The following ADRA2A variants were observed in gnomAD, a reference collection of about 807,000 sequenced individuals.
ADRA2A encodes the protein alpha-2A adrenergic receptor.
ADRA2A carries 6 observed loss-of-function variants against 5.9 expected under a neutral mutation model. The observed-to-expected ratio is 1.01, with a 90% CI of 0.55 to 2.00. The LOEUF is 2.00. Ranked by LOEUF, ADRA2A falls within the 30% of genes most tolerant of loss-of-function variation. ADRA2A has a pLI of 0.00. For synonymous variants in ADRA2A, 345 were observed against 325.9 expected (o/e 1.06, Z -0.63); for missense variants, 647 against 690.0 (o/e 0.94, Z 0.70).
chr10:111,077,924 G>T lies in ADRA2A; in HGVS notation c.-73G>T. 1 of 1,325,596 alleles carries T rather than the reference G, an allele frequency of 7.5e-7. No homozygotes were observed. The highest frequency in any genetic ancestry group is 2.8e-4 in the Middle Eastern group (1 of 3,570). The allele number at this position is 1,325,596 out of a possible 1,614,324, so 82.1% of individuals were successfully genotyped here. ...CAGCCAGGCGAGCGGGGCGCCGGAG[G>T]AAGAGGAGGACCCACGGGCGCCGGG... is the stretch of plus-strand genomic sequence containing the variant. On this transcript the variant is annotated 5_prime_UTR_variant, in exon 1 of 1. Coordinates refer to ENST00000280155, the MANE Select transcript of ADRA2A (RefSeq NM_000681.4).
chr10:111,079,492 C>T lies in ADRA2A; in HGVS notation c.*98C>T, dbSNP rs1564746039. The stretch of plus-strand genomic sequence containing the variant: ...AGGGCACTCAGAAACCCGGGCGCTG[C>T]CTGCTCTGCGTTTCCTCGTCTGGGG... On this transcript the variant is annotated 3_prime_UTR_variant, in exon 1 of 1. Transcript: ENST00000280155. 2 of 1,360,426 alleles carry T rather than the reference C, an allele frequency of 1.5e-6. No homozygotes were observed. Among genetic ancestry groups the T allele is most frequent in the East Asian group, 2.3e-5 (1 of 43,142 alleles). The allele number at this position is 1,360,426 out of a possible 1,614,324, so 84.3% of individuals were successfully genotyped here. A position where few individuals can be genotyped will look rare whatever the true frequency, so the allele number is the denominator to read the frequency against.
In ADRA2A at chr10:111,078,875, C is replaced by G. The variant is rs924536604; in HGVS notation, c.879C>G (p.Gly293=). 2.1e-5 allele frequency: 25 copies of G among 1,201,656 alleles called. No individual in the cohort carries two copies. Among genetic ancestry groups the G allele is most frequent in the Non-Finnish European group, 2.6e-5 (25 of 970,712 alleles). The allele number at this position is 1,201,656 out of a possible 1,614,324, so 74.4% of individuals were successfully genotyped here. ...PLPTQLNGAP[G]EPAPAGPRDT... The stretch of plus-strand genomic sequence containing the variant: ...CCACCCAGCTCAACGGCGCCCCTGG[C>G]GAGCCCGCGCCGGCCGGGCCGCGCG... Residue 293 remains glycine, a synonymous_variant, in exon 1 of 1, where the codon GGC becomes GGG. Coordinates refer to ENST00000280155, the MANE Select transcript of ADRA2A (RefSeq NM_000681.4).
At position 111,078,782 on chromosome 10, in the gene ADRA2A, G is replaced by T; in HGVS notation, c.786G>T (p.Glu262Asp). The T allele has an allele frequency of 7.1e-7, 1 of 1,409,690 alleles. No homozygotes were observed. The highest frequency in any genetic ancestry group is 2.8e-5 in the East Asian group (1 of 35,150). The allele number at this position is 1,409,690 out of a possible 1,614,324, so 87.3% of individuals were successfully genotyped here. The change falls in exon 1 of 1, where the codon GAG becomes GAT. Residue 262 changes from glutamate to aspartate, a missense_variant. Physicochemically the swap from Glu to Asp is conservative, Grantham distance 45. This residue lies in a region of ADRA2A where 577 missense variants were observed against 605.4 expected (regional missense o/e 0.95). Coordinates refer to ENST00000280155, the MANE Select transcript of ADRA2A (RefSeq NM_000681.4). ...DAVAAPPGGT[E>D]RRPNGLGPER... is the part of the protein sequence containing the mutation. ...TCGCCGCGCCGCCGGGGGGCACCGA[G>T]CGCAGGCCCAACGGTCTGGGCCCCG...
chr10:111,078,120 C>T lies in ADRA2A; in HGVS notation c.124C>T (p.Pro42Ser), dbSNP rs1241405492. The change falls in exon 1 of 1, where the codon CCT becomes TCT. Residue 42 changes from proline (P) to serine (S), a missense_variant. By Grantham distance (74) the Pro-to-Ser change is moderately conservative. Transcript: ENST00000280155. ...GCCGGGGGGCGGCGCCCGGGCCACC[C>T]CTTACTCCCTGCAGGTGACGCTGAC... ...EAPGGGARATPYSLQVTLTLV... is the reference protein window; with the variant it reads ...EAPGGGARATSYSLQVTLTLV... The T allele has an allele frequency of 1.9e-6, 3 of 1,591,726 alleles. No homozygotes were observed. Among genetic ancestry groups the T allele is most frequent in the Non-Finnish European group, 2.6e-6 (3 of 1,172,868 alleles).
chr10:111,078,640 C>A lies in ADRA2A; in HGVS notation c.644C>A (p.Ser215Ter), dbSNP rs1430017825. Residue 215 changes from serine to a stop codon, truncating the protein, a stop_gained, in exon 1 of 1, where the codon TCG (serine) becomes TAG (stop). Coordinates refer to ENST00000280155, the MANE Select transcript of ADRA2A (RefSeq NM_000681.4). LOFTEE classifies it low-confidence loss of function (END_TRUNC). Reference protein sequence around the residue: ...INDQKWYVISSCIGSFFAPCL... With the variant: ...INDQKWYVIS ...GACCAGAAGTGGTACGTCATCTCGT[C>A]GTGCATCGGCTCCTTCTTCGCTCCC... The A allele has an allele frequency of 1.9e-6, 3 of 1,587,994 alleles. No homozygotes were observed. Among genetic ancestry groups the A allele is most frequent in the East Asian group, 2.3e-5 (1 of 43,508 alleles).
Position 111,078,626 on chromosome 10 carries a change from G to C in ADRA2A, c.630G>C (p.Trp210Cys), listed in dbSNP as rs1843562793. The C allele has an allele frequency of 6.3e-7, 1 of 1,593,960 alleles. No individual in the cohort carries two copies. The highest frequency in any genetic ancestry group is 1.1e-5 in the South Asian group (1 of 88,992). Residue 210 changes from tryptophan (W) to cysteine (C), a missense_variant, in exon 1 of 1, where the codon TGG becomes TGC. Physicochemically the swap from Trp to Cys is radical, Grantham distance 215. Coordinates refer to ENST00000280155, the MANE Select transcript of ADRA2A (RefSeq NM_000681.4). ...GCTGCGAGATCAACGACCAGAAGTG[G>C]TACGTCATCTCGTCGTGCATCGGCT... is the stretch of plus-strand genomic sequence containing the variant. Reference protein sequence around the residue: ...EPRCEINDQKWYVISSCIGSF... With the variant: ...EPRCEINDQKCYVISSCIGSF...
At position 111,079,374 on chromosome 10, in the gene ADRA2A, G is replaced by A. The variant is rs950647547; in HGVS notation, c.1378G>A (p.Asp460Asn). ...RAFKKILCRG[D>N]RKRIV ...CTTCAAGAAGATCCTCTGTCGGGGG[G>A]ACAGGAAGCGGATCGTGTGAGGTTT... Residue 460 changes from aspartate to asparagine, a missense_variant, in exon 1 of 1, where the codon GAC (aspartate) becomes AAC (asparagine). By Grantham distance (23) the Asp-to-Asn change is conservative. This residue lies in a region of ADRA2A where 62 missense variants were observed against 59.8 expected (regional missense o/e 1.04). Transcript: ENST00000280155. 3 of 1,614,002 alleles carry A rather than the reference G, an allele frequency of 1.9e-6. No individual in the cohort carries two copies. Among genetic ancestry groups the A allele is most frequent in the Non-Finnish European group, 2.5e-6 (3 of 1,180,034 alleles).
Position 111,078,984 on chromosome 10 carries a change from C to A in ADRA2A, c.988C>A (p.Pro330Thr). ...AGGGCCCCGCAGACCCGAGCGCGGT[C>A]CCCGGGGCAAAGGCAAGGCCCGAGC... is the stretch of plus-strand genomic sequence containing the variant. ...PPGPRRPERG[P>T]RGKGKARASQ... The change falls in exon 1 of 1, where the codon CCC becomes ACC. Residue 330 changes from proline to threonine, a missense_variant. By Grantham distance (38) the Pro-to-Thr change is conservative (BLOSUM62 -1). This residue lies in a region of ADRA2A where 577 missense variants were observed against 605.4 expected (regional missense o/e 0.95). Coordinates refer to ENST00000280155, the MANE Select transcript of ADRA2A (RefSeq NM_000681.4). The A allele has an allele frequency of 8.1e-7, 1 of 1,235,122 alleles. No individual in the cohort carries two copies. The highest frequency in any genetic ancestry group is 3.5e-5 in the East Asian group (1 of 28,900). The allele number at this position is 1,235,122 out of a possible 1,614,324, so 76.5% of individuals were successfully genotyped here.
rs2134208619 is a variant in ADRA2A, at chr10:111,078,614, C to T, written c.618C>T (p.Asn206=). 6.3e-7 allele frequency: 1 copy of T among 1,597,824 alleles called. No individual in the cohort carries two copies. The highest frequency in any genetic ancestry group is 1.1e-5 in the South Asian group (1 of 89,404). ...CGGCCGAGCCGCGCTGCGAGATCAA[C>T]GACCAGAAGTGGTACGTCATCTCGT... ...PQPAEPRCEI[N]DQKWYVISSC... The change falls in exon 1 of 1, where the codon AAC becomes AAT. Residue 206 remains asparagine, a synonymous_variant. Transcript: ENST00000280155.
chr10:111,080,667 T>C lies in ADRA2A; in HGVS notation c.*1273T>C, dbSNP rs530423091. ...TTGTGTTTACATCTGCATTTCTACA[T>C]GTTTTAGACAGAGACAATTTAAGGC... On this transcript the variant is annotated 3_prime_UTR_variant, in exon 1 of 1. Transcript: ENST00000280155. 2.2e-4 allele frequency: 36 copies of C among 167,186 alleles called. No individual in the cohort carries two copies. Among genetic ancestry groups the C allele is most frequent in the African/African-American group, 8.7e-4 (36 of 41,576 alleles). 10.4% of individuals were successfully genotyped at this position (167,186 alleles called of 1,614,324 possible).
rs756745025 is a variant in ADRA2A, at chr10:111,078,165, C to T, written c.169C>T (p.Leu57=). Residue 57 remains leucine (L), a synonymous_variant, in exon 1 of 1, where the codon CTG becomes TTG. Coordinates refer to ENST00000280155, the MANE Select transcript of ADRA2A (RefSeq NM_000681.4). ...GCTGACGCTGGTGTGCCTGGCCGGC[C>T]TGCTCATGCTGCTCACCGTGTTCGG... ...VTLTLVCLAG[L]LMLLTVFGNV... is the part of the protein sequence containing the mutation. 6.2e-7 allele frequency: 1 copy of T among 1,610,596 alleles called. No homozygotes were observed. The highest frequency in any genetic ancestry group is 8.5e-7 in the Non-Finnish European group (1 of 1,179,260).
chr10:111,078,710 C>T lies in ADRA2A; in HGVS notation c.714C>T (p.Ala238=), dbSNP rs1454161539. 6 of 1,528,880 alleles carry T rather than the reference C, an allele frequency of 3.9e-6. No homozygotes were observed. The highest frequency in any genetic ancestry group is 5.3e-6 in the Non-Finnish European group (6 of 1,142,034). The allele number at this position is 1,528,880 out of a possible 1,614,324, so 94.7% of individuals were successfully genotyped here. ...TCTACGTGCGCATCTACCAGATCGC[C>T]AAGCGTCGCACCCGCGTGCCACCCA... is the stretch of plus-strand genomic sequence containing the variant. ...ILVYVRIYQI[A]KRRTRVPPSR... is the part of the protein sequence containing the mutation. The change falls in exon 1 of 1, where the codon GCC becomes GCT. Residue 238 remains alanine, a synonymous_variant. Transcript: ENST00000280155.
At position 111,080,325 on chromosome 10, in the gene ADRA2A, A is replaced by G. The variant is rs895720327; in HGVS notation, c.*931A>G. On this transcript the variant is annotated 3_prime_UTR_variant, in exon 1 of 1. Coordinates refer to ENST00000280155, the MANE Select transcript of ADRA2A (RefSeq NM_000681.4). The stretch of plus-strand genomic sequence containing the variant: ...GTGTTCCCTCTCTCCCTCCAGGGCC[A>G]CTGCTTGAAGAAGAATATGTATGTT... 6.6e-5 allele frequency: 11 copies of G among 166,454 alleles called. No homozygotes were observed. The highest frequency in any genetic ancestry group is 2.7e-4 in the African/African-American group (11 of 41,262). 10.3% of individuals were successfully genotyped at this position (166,454 alleles called of 1,614,324 possible).
In ADRA2A at chr10:111,079,530, C is replaced by A; in HGVS notation, c.*136C>A. 1 of 932,550 alleles carries A rather than the reference C, an allele frequency of 1.1e-6. No individual in the cohort carries two copies. The highest frequency in any genetic ancestry group is 1.6e-6 in the Non-Finnish European group (1 of 616,678). The allele number at this position is 932,550 out of a possible 1,614,324, so 57.8% of individuals were successfully genotyped here. A position where few individuals can be genotyped will look rare whatever the true frequency, so the allele number is the denominator to read the frequency against. On this transcript the variant is annotated 3_prime_UTR_variant, in exon 1 of 1. Transcript: ENST00000280155. ...TCCTCGTCTGGGGTGGCTCTGCAGC[C>A]TCCTGCGGGCGGGCGTCTGCTGCTC...
At position 111,079,485 on chromosome 10, in the gene ADRA2A, G is replaced by A; in HGVS notation, c.*91G>A. On this transcript the variant is annotated 3_prime_UTR_variant, in exon 1 of 1. Transcript: ENST00000280155. ...TAGCCCCAGGGCACTCAGAAACCCG[G>A]GCGCTGCCTGCTCTGCGTTTCCTCG... 1 of 1,403,692 alleles carries A rather than the reference G, an allele frequency of 7.1e-7. No individual in the cohort carries two copies. The highest frequency in any genetic ancestry group is 9.9e-7 in the Non-Finnish European group (1 of 1,011,960). 87.0% of individuals were successfully genotyped at this position (1,403,692 alleles called of 1,614,324 possible). A position where few individuals can be genotyped will look rare whatever the true frequency, so the allele number is the denominator to read the frequency against.
In ADRA2A at chr10:111,079,429, C is replaced by A. The variant is rs1843573101; in HGVS notation, c.*35C>A. The A allele has an allele frequency of 6.2e-7, 1 of 1,606,252 alleles. No homozygotes were observed. Among genetic ancestry groups the A allele is most frequent in the Admixed American group, 1.7e-5 (1 of 59,878 alleles). On this transcript the variant is annotated 3_prime_UTR_variant, in exon 1 of 1. Transcript: ENST00000280155. ...TGGCGCCCGCGTAGACTCACGCTGA[C>A]TGCAGGCAGCGGGGGGCATCGAGGG...
Position 111,077,917 on chromosome 10 carries a change from G to C in ADRA2A, c.-80G>C. ...TGAGCCGCAGCCAGGCGAGCGGGGCGCCGGAGGAAGAGGAGGACCCACGGG... is the reference window on the plus strand; with the variant it reads ...TGAGCCGCAGCCAGGCGAGCGGGGCCCCGGAGGAAGAGGAGGACCCACGGG... On this transcript the variant is annotated 5_prime_UTR_variant, in exon 1 of 1. Transcript: ENST00000280155. 7.6e-7 allele frequency: 1 copy of C among 1,320,020 alleles called. No individual in the cohort carries two copies. Among genetic ancestry groups the C allele is most frequent in the East Asian group, 3.1e-5 (1 of 32,386 alleles). The allele number at this position is 1,320,020 out of a possible 1,614,324, so 81.8% of individuals were successfully genotyped here.
Position 111,078,061 on chromosome 10 carries a change from A to T in ADRA2A, c.65A>T (p.Asp22Val). The change falls in exon 1 of 1, where the codon GAC (aspartate) becomes GTC (valine). Residue 22 changes from aspartate (D) to valine (V), a missense_variant. Physicochemically the swap from Asp to Val is radical, Grantham distance 152. Transcript: ENST00000280155. ...GCGCCCATGGGCTCCCTGCAGCCGG[A>T]CGCGGGCAACGCGAGCTGGAACGGG... ...SFAPMGSLQPDAGNASWNGTE... is the reference protein window; with the variant it reads ...SFAPMGSLQPVAGNASWNGTE... 1 of 1,538,010 alleles carries T rather than the reference A, an allele frequency of 6.5e-7. No individual in the cohort carries two copies. Among genetic ancestry groups the T allele is most frequent in the South Asian group, 1.2e-5 (1 of 84,056 alleles).
chr10:111,079,523 C>A lies in ADRA2A; in HGVS notation c.*129C>A. ...CTGCGTTTCCTCGTCTGGGGTGGCT[C>A]TGCAGCCTCCTGCGGGCGGGCGTCT... is the stretch of plus-strand genomic sequence containing the variant. On this transcript the variant is annotated 3_prime_UTR_variant, in exon 1 of 1. Transcript: ENST00000280155. 1.0e-6 allele frequency: 1 copy of A among 988,740 alleles called. No individual in the cohort carries two copies. The highest frequency in any genetic ancestry group is 1.5e-6 in the Non-Finnish European group (1 of 664,262). The allele number at this position is 988,740 out of a possible 1,614,324, so 61.2% of individuals were successfully genotyped here.
Sources: allele counts gnomAD v4.1 joint callset, GRCh38; gene constraint gnomAD v4.1.1; regional missense constraint gnomAD v4.1.1; transcripts MANE v1.5; gene names NCBI Gene and HGNC (gene_info 2026-07-23, HGNC 2026-07-21).